Variants in ADAMTS8 observed in about 807,000 individuals in gnomAD.
ADAMTS8 encodes the protein ADAM metallopeptidase with thrombospondin type 1 motif 8.
ADAMTS8 carries 50 observed loss-of-function variants against 64.4 expected under a neutral mutation model. The observed-to-expected ratio is 0.78, with a 90% confidence interval of 0.62 to 0.98. ADAMTS8 has a LOEUF of 0.98. Among genes scored for constraint, ADAMTS8 ranks in the 50% least tolerant of loss-of-function variants. The pLI is 0.00. For missense variants in ADAMTS8, 1,192 were observed against 1,208.2 expected, an observed-to-expected ratio of 0.99 and a Z score of 0.20; for synonymous variants, 556 against 533.6, an observed-to-expected ratio of 1.04 and a Z score of -0.58.
chr11:130,404,952 A>G lies in ADAMTS8; in HGVS notation c.*606T>C. The G allele has an allele frequency of 1.0e-6, 1 of 977,608 alleles. No homozygotes were observed. The highest frequency in any genetic ancestry group is 1.2e-6 in the Non-Finnish European group (1 of 822,354). The allele number at this position is 977,608 out of a possible 1,614,324, so 60.6% of individuals were successfully genotyped here. ...CATAAGATCACACTTTAGTTCAGAGACACATTTGCATAAATACTTGAAATG... is the reference window on the plus strand; with the variant it reads ...CATAAGATCACACTTTAGTTCAGAGGCACATTTGCATAAATACTTGAAATG... On this transcript the variant is annotated 3_prime_UTR_variant, in exon 9 of 9. Transcript: ENST00000257359.
intron 5 of ADAMTS8, among the ~76,000 whole-genome samples, chr11:130,412,853 CCTCTCTTT>C (rs1861970193): frequency 6.6e-6 from 1 of 151,952 alleles, no homozygotes; most frequent in Non-Finnish European, 1.5e-5. Flanking sequence ...TTTCTTTCTA[CCTCTCTTT>C]CTCTCTTTCT....
chr11:130,420,772 T>C (rs1479973459), intron 1 of ADAMTS8, among the ~76,000 whole-genome samples: 3 of 152,182 alleles, frequency 2.0e-5, no homozygotes, highest in African/African-American at 7.2e-5. Context: ...TTTAGGCTGA[T>C]GTAAACATCT....
At chr11:130,409,400 G>A (rs547035961) in intron 6 of ADAMTS8, among the ~76,000 whole-genome samples, 6 of 152,152 alleles carry the variant, frequency 3.9e-5, no homozygotes, top group Non-Finnish European at 5.9e-5. Context: ...CCCACATTCC[G>A]TAATTCTGGG....
At position 130,405,361 on chromosome 11, in the gene ADAMTS8, A is replaced by G. The variant is rs1222536483; in HGVS notation, c.*197T>C. On this transcript the variant is annotated 3_prime_UTR_variant, in exon 9 of 9. Transcript: ENST00000257359. ...TCCAGTCCACTGGACAGTTGATGATAGGGTCTGCCGCCCCATACCCTCTCC... is the reference window on the plus strand; with the variant it reads ...TCCAGTCCACTGGACAGTTGATGATGGGGTCTGCCGCCCCATACCCTCTCC... 1 of 1,392,498 alleles carries G rather than the reference A, an allele frequency of 7.2e-7. No homozygotes were observed. The highest frequency in any genetic ancestry group is 2.6e-5 in the East Asian group (1 of 39,038). The allele number at this position is 1,392,498 out of a possible 1,614,324, so 86.3% of individuals were successfully genotyped here. A position where few individuals can be genotyped will look rare whatever the true frequency, so the allele number is the denominator to read the frequency against.
intron 8 of ADAMTS8, 151 bp from the exon 9 acceptor site, chr11:130,406,279 A>C: frequency 2.1e-6 from 2 of 972,990 alleles, no homozygotes; most frequent in Non-Finnish European, 1.5e-6. Context: ...TTCTCAATAA[A>C]TTAGCTGTTT....
chr11:130,416,188 G>A lies in ADAMTS8; in HGVS notation c.1239C>T (p.Leu413=). The A allele has an allele frequency of 6.3e-7, 1 of 1,595,444 alleles. No individual in the cohort carries two copies. Among genetic ancestry groups the A allele is most frequent in the South Asian group, 1.1e-5 (1 of 88,114 alleles). ...LPWSPCSAMY[L]TELLDGGHGD... ...CGTGCCCGCCGTCCAGAAGCTCTGT[G>A]AGATACATGGCGCTGCAGGGGGACC... is the stretch of plus-strand genomic sequence containing the variant. Residue 413 remains leucine (L), a synonymous_variant, in exon 4 of 9, where the codon CTC becomes CTT. Transcript: ENST00000257359. The surrounding 1 kb of genome is among the most constrained non-coding windows in gnomAD (Gnocchi z 4.8).
chr11:130,409,435 T>G (rs1251072225), intron 6 of ADAMTS8, among the ~76,000 whole-genome samples: 1 of 152,194 alleles, frequency 6.6e-6, no homozygotes, highest in African/African-American at 2.4e-5. Flanking sequence ...TCCGTTTGTA[T>G]GTACTGTGAT....
Position 130,427,866 on chromosome 11 carries a change from C to A in ADAMTS8, c.421G>T (p.Gly141Trp), listed in dbSNP as rs1369394926. ...CGGTGCGGCTGAGCCAGGGAGCCCC[C>A]CGCGCCCTGCGGCTGGATGGTGAAC... ...EEFTIQPQGAGGSLAQPHRLQ... is the reference protein window; with the variant it reads ...EEFTIQPQGAWGSLAQPHRLQ... Residue 141 changes from glycine to tryptophan, a missense_variant, in exon 1 of 9, where the codon GGG (glycine) becomes TGG (tryptophan). Physicochemically the swap from Gly to Trp is radical, Grantham distance 184 (BLOSUM62 -2). This residue lies in a region of ADAMTS8 where 741 missense variants were observed against 710.6 expected (regional missense o/e 1.04). Coordinates refer to ENST00000257359, the MANE Select transcript of ADAMTS8 (RefSeq NM_007037.6). The A allele has an allele frequency of 6.5e-7, 1 of 1,535,784 alleles. No individual in the cohort carries two copies. Among genetic ancestry groups the A allele is most frequent in the East Asian group, 2.4e-5 (1 of 40,838 alleles).
chr11:130,407,469 A>G (rs1327110485), intron 8 of ADAMTS8, among the ~76,000 whole-genome samples: 1 of 152,156 alleles, frequency 6.6e-6, no homozygotes, highest in Non-Finnish European at 1.5e-5. Context: ...GTAGAGACAG[A>G]CAGACAGACA....
intron 2 of ADAMTS8, among the ~76,000 whole-genome samples, chr11:130,417,583 G>A (rs1258065378): frequency 2.6e-5 from 4 of 151,548 alleles, no homozygotes; most frequent in Non-Finnish European, 1.5e-5. Context: ...GACGAGGTCT[G>A]GCTATGTTGC....
intron 1 of ADAMTS8, among the ~76,000 whole-genome samples, chr11:130,426,827 C>T (rs1025100296): frequency 1.3e-5 from 2 of 152,258 alleles, no homozygotes; most frequent in South Asian, 2.1e-4. Context: ...CCAAAGAGCT[C>T]GTTCCAGCCC....
chr11:130,427,942 C>T lies in ADAMTS8; in HGVS notation c.345G>A (p.Ala115=), dbSNP rs568582794. 10 of 1,531,898 alleles carry T rather than the reference C, an allele frequency of 6.5e-6. No individual in the cohort carries two copies. The African/African-American group carries it at 9.7e-5, about 15-fold the overall frequency. 94.9% of individuals were successfully genotyped at this position (1,531,898 alleles called of 1,614,324 possible). ...TVNGEPESLA[A]VSLCRGLSGS... ...CGCTCAGCCCGCGGCACAGGCTGACCGCCGCCAGCGACTCGGGCTCCCCAT... is the reference window on the plus strand; with the variant it reads ...CGCTCAGCCCGCGGCACAGGCTGACTGCCGCCAGCGACTCGGGCTCCCCAT... Residue 115 remains alanine (A), a synonymous_variant, in exon 1 of 9, where the codon GCG becomes GCA. Coordinates refer to ENST00000257359, the MANE Select transcript of ADAMTS8 (RefSeq NM_007037.6).
chr11:130,408,487 G>T lies in ADAMTS8; in HGVS notation c.2076C>A (p.Val692=). The T allele has an allele frequency of 6.2e-7, 1 of 1,613,924 alleles. No individual in the cohort carries two copies. Among genetic ancestry groups the T allele is most frequent in the Non-Finnish European group, 8.5e-7 (1 of 1,180,016 alleles). The part of the protein sequence containing the change: ...CGGKGNSCRK[V]SGSLTPTNYG... The stretch of plus-strand genomic sequence containing the variant: ...ACTTGGTGGGGGTGAGGGACCCGGA[G>T]ACCTTCCTGCAGGAGTTGCCTTTGC... The change falls in exon 8 of 9, where the codon GTC becomes GTA. Residue 692 remains valine (V), a synonymous_variant. Transcript: ENST00000257359.
In ADAMTS8 at chr11:130,408,484, G is replaced by A. The variant is rs370507894; in HGVS notation, c.2079C>T (p.Ser693=). 2.4e-5 allele frequency: 39 copies of A among 1,613,722 alleles called. No individual in the cohort carries two copies. Among genetic ancestry groups the A allele is most frequent in the Middle Eastern group, 1.7e-4 (1 of 5,846 alleles). Residue 693 remains serine (S), a synonymous_variant, in exon 8 of 9, where the codon TCC becomes TCT. Transcript: ENST00000257359. ...CTCACTTGGTGGGGGTGAGGGACCCGGAGACCTTCCTGCAGGAGTTGCCTT... is the reference window on the plus strand; with the variant it reads ...CTCACTTGGTGGGGGTGAGGGACCCAGAGACCTTCCTGCAGGAGTTGCCTT... ...GGKGNSCRKV[S]GSLTPTNYGY... is the part of the protein sequence containing the mutation.
In ADAMTS8 at chr11:130,417,061, C is replaced by A. The variant is rs754038208; in HGVS notation, c.975G>T (p.Gln325His). ...CACCCAGGGTGTCACACAGCCCCTC[C>A]TGCCCACAGAAGTTCTGCGTGGCGG... ...ILLTRQNFCG[Q>H]EGLCDTLGVA... Residue 325 changes from glutamine (Q) to histidine (H), a missense_variant, in exon 3 of 9, where the codon CAG becomes CAT. Around this residue, in one of 5 missense-constraint regions of ADAMTS8, gnomAD observed 741 missense variants for 710.6 expected, o/e 1.04. Coordinates refer to ENST00000257359, the MANE Select transcript of ADAMTS8 (RefSeq NM_007037.6). 4 of 1,613,968 alleles carry A rather than the reference C, an allele frequency of 2.5e-6. 1 individual carries two copies. The South Asian group carries it at 4.4e-5, about 18-fold the overall frequency.
chr11:130,410,036 C>T, intron 6 of ADAMTS8, among the ~76,000 whole-genome samples: 1 of 152,196 alleles, frequency 6.6e-6, no homozygotes, highest in East Asian at 1.9e-4. Flanking sequence ...GTGTGCTTTG[C>T]TTGATTCCAC....
At chr11:130,410,994 T>A (rs1348167706) in intron 6 of ADAMTS8, among the ~76,000 whole-genome samples, 1 of 152,154 alleles carries the variant, frequency 6.6e-6, no homozygotes, top group African/African-American at 2.4e-5. Flanking sequence ...ACACTTGCTT[T>A]GGAAAATGCT....
At position 130,406,088 on chromosome 11, in the gene ADAMTS8, T is replaced by C; in HGVS notation, c.2140A>G (p.Thr714Ala). The change falls in exon 9 of 9, where the codon ACT becomes GCT. Residue 714 changes from threonine (T) to alanine (A), a missense_variant. By Grantham distance (58) the Thr-to-Ala change is moderately conservative. Coordinates refer to ENST00000257359, the MANE Select transcript of ADAMTS8 (RefSeq NM_007037.6). ...NDIVTIPAGA[T>A]NIDVKQRSHP... ...CTCCGCTGCTTCACGTCAATATTAG[T>C]GGCACCAGCTGGGATGGTGACAATG... 6.2e-7 allele frequency: 1 copy of C among 1,612,490 alleles called. No homozygotes were observed. The highest frequency in any genetic ancestry group is 8.5e-7 in the Non-Finnish European group (1 of 1,179,944).
In ADAMTS8 at chr11:130,405,865, A is replaced by T. The variant is rs1861874559; in HGVS notation, c.2363T>A (p.Val788Glu). Residue 788 changes from valine to glutamate, a missense_variant, in exon 9 of 9, where the codon GTG (valine) becomes GAG (glutamate). Transcript: ENST00000257359. Reference sequence around the variant, plus strand: ...CTCGCCAGGGACTGTCAGGAGCTGCACTGTCAGAGGCTCTGGCAAGGGCCG... The same window carrying T: ...CTCGCCAGGGACTGTCAGGAGCTGCTCTGTCAGAGGCTCTGGCAAGGGCCG... Reference protein sequence around the residue: ...SFRPLPEPLTVQLLTVPGEVF... With the variant: ...SFRPLPEPLTEQLLTVPGEVF... The T allele has an allele frequency of 6.2e-7, 1 of 1,613,978 alleles. No individual in the cohort carries two copies.
Sources: gnomAD v4.1 joint callset for allele counts (sites outside exome capture counted in the v4.1 genomes callset) on GRCh38, gnomAD v4.1.1 for gene constraint, gnomAD v4.1.1 regional missense constraint, Gnocchi (gnomAD v3.1) non-coding constraint, MANE v1.5 for transcripts, NCBI Gene and HGNC (gene_info 2026-07-23, HGNC 2026-07-21) for gene names.